SHQ1: variants seen among roughly 807,000 people sequenced by gnomAD.
The protein encoded by SHQ1 is SHQ1, H/ACA ribonucleoprotein assembly factor.
In SHQ1, 49 loss-of-function variants were observed where a neutral mutation model predicts 53.8. That is an observed-to-expected ratio of 0.91 (90% CI 0.72 to 1.16). The LOEUF (loss-of-function observed/expected upper bound fraction) is 1.16, where lower values mean the gene tolerates loss of function less well. SHQ1 is among the 50% of genes most tolerant of loss of function. SHQ1 has a pLI of 0.00. For synonymous variants in SHQ1, 243 were observed against 251.0 expected (o/e 0.97, Z 0.30); for missense variants, 738 against 683.1 (o/e 1.08, Z -0.90).
intron 10 of SHQ1, chr3:72,753,323 A>G: frequency 1.0e-6 from 1 of 985,476 alleles, no homozygotes; most frequent in Non-Finnish European, 1.2e-6. Flanking sequence ...CCATAATATC[A>G]GGAAAATGAG....
chr3:72,750,306 C>G lies in SHQ1; in HGVS notation c.1712G>C (p.Gly571Ala). ...GAGTCAATTATTTGGTGTCTGACAG[C>G]CGTCTCTCTCCTGAATATTGCTGCG... ...VNRSNIQERD[G>A]CQTPNN Residue 571 changes from glycine (G) to alanine (A), a missense_variant, in exon 11 of 11, where the codon GGC (glycine) becomes GCC (alanine). Physicochemically the swap from Gly to Ala is moderately conservative, Grantham distance 60. Transcript: ENST00000325599. 1.2e-6 allele frequency: 2 copies of G among 1,609,166 alleles called. No individual in the cohort carries two copies. The highest frequency in any genetic ancestry group is 1.7e-6 in the Non-Finnish European group (2 of 1,178,002).
intron 4 of SHQ1, 116 bp downstream of exon 4, chr3:72,840,929 T>C: frequency 8.1e-6 from 10 of 1,241,336 alleles, no homozygotes; most frequent in Non-Finnish European, 1.1e-5. Flanking sequence ...GTGCTTTAAA[T>C]ACAATCACCT....
At chr3:72,776,961 G>A (rs1436506255) in intron 10 of SHQ1, among the ~76,000 whole-genome samples, 1 of 152,118 alleles carries the variant, frequency 6.6e-6, no homozygotes, top group East Asian at 1.9e-4. Context: ...ATGAGGAAAG[G>A]ATAGACTATT....
intron 4 of SHQ1, among the ~76,000 whole-genome samples, chr3:72,837,444 A>T (rs551203325): frequency 4.1e-4 from 62 of 152,148 alleles, no homozygotes; most frequent in African/African-American, 6.0e-4. Context: ...ATTATGAATA[A>T]TTTTTTTACT....
At chr3:72,764,552 T>C (rs1705681110) in intron 10 of SHQ1, among the ~76,000 whole-genome samples, 1 of 152,180 alleles carries the variant, frequency 6.6e-6, no homozygotes, top group South Asian at 2.1e-4. Context: ...CTAGACTATC[T>C]AAGGAGAATT....
rs553518368 is a variant in SHQ1, at chr3:72,826,246, G to C, written c.600-1695C>G. Among the ~76,000 whole-genome samples the C allele has an allele frequency of 3.9e-5, 6 of 152,286 alleles. No homozygotes were observed. The South Asian group carries it at 1.2e-3, about 32-fold the overall frequency. On this transcript the variant is annotated intron_variant, in intron 5 of 10. Transcript: ENST00000325599. Reference sequence around the variant, plus strand: ...TTCCAACAGGTGCACAGACATATGAGACAAGGACAAAATAGCTGCTTCATA... The same window carrying C: ...TTCCAACAGGTGCACAGACATATGACACAAGGACAAAATAGCTGCTTCATA...
At chr3:72,758,253 A>C (rs534483480) in intron 10 of SHQ1, among the ~76,000 whole-genome samples, 3 of 152,342 alleles carry the variant, frequency 2.0e-5, no homozygotes, top group Non-Finnish European at 4.4e-5. Flanking sequence ...GCAGCCATTA[A>C]CAAAAACATT....
chr3:72,776,035 T>A (rs865907323), intron 10 of SHQ1, among the ~76,000 whole-genome samples: 1 of 151,546 alleles, frequency 6.6e-6, no homozygotes, highest in Non-Finnish European at 1.5e-5. Context: ...TGCAATAAAA[T>A]GAAAAAGAAA....
chr3:72,824,533 A>G lies in SHQ1; in HGVS notation c.618T>C (p.Asp206=), dbSNP rs1707587988. 1 of 1,609,294 alleles carries G rather than the reference A, an allele frequency of 6.2e-7. No individual in the cohort carries two copies. Among genetic ancestry groups the G allele is most frequent in the Non-Finnish European group, 8.5e-7 (1 of 1,178,516 alleles). ...PDHYLADFFE[D]EAIEQILKYN... is the part of the protein sequence containing the mutation. The stretch of plus-strand genomic sequence containing the variant: ...ACTTCAAAATCTGTTCAATCGCCTC[A>G]TCTTCAAAAAAGTCAGCTCTAGGAA... The change falls in exon 6 of 11, where the codon GAT becomes GAC. Residue 206 remains aspartate, a synonymous_variant. Coordinates refer to ENST00000325599, the MANE Select transcript of SHQ1 (RefSeq NM_018130.3).
chr3:72,792,221 T>C (rs1166911706), intron 10 of SHQ1, among the ~76,000 whole-genome samples: 2 of 152,188 alleles, frequency 1.3e-5, no homozygotes, highest in African/African-American at 4.8e-5. Flanking sequence ...CACATACATC[T>C]ACACACACTC....
intron 10 of SHQ1, among the ~76,000 whole-genome samples, chr3:72,778,658 C>T (rs577046930): frequency 1.3e-5 from 2 of 152,032 alleles, no homozygotes; most frequent in African/African-American, 4.8e-5. Flanking sequence ...AAAACACATA[C>T]AAACGGCAAA....
At chr3:72,729,802 A>G in the SHQ1 span, among the ~76,000 whole-genome samples, 1 of 152,130 alleles carries the variant, frequency 6.6e-6, no homozygotes, top group Non-Finnish European at 1.5e-5. Flanking sequence ...TTTAATTTTC[A>G]AATTAAATTT....
the SHQ1 span, among the ~76,000 whole-genome samples, chr3:72,729,632 C>A: frequency 2.6e-5 from 4 of 152,136 alleles, no homozygotes; most frequent in Non-Finnish European, 5.9e-5. Flanking sequence ...TCATTAAAAT[C>A]TTATTACATC....
At chr3:72,826,002 T>A (rs1354178838) in intron 5 of SHQ1, among the ~76,000 whole-genome samples, 2 of 152,208 alleles carry the variant, frequency 1.3e-5, no homozygotes, top group Non-Finnish European at 2.9e-5. Context: ...ATCCTCATTT[T>A]ACAAAGGTAG....
At chr3:72,832,615 T>C (rs749053699) in intron 4 of SHQ1, 134 bp from the exon 5 acceptor site, 3 of 614,150 alleles carry the variant, frequency 4.9e-6, no homozygotes, top group Non-Finnish European at 8.7e-6. Context: ...CTGTGACATT[T>C]AGATTCAAAT....
intron 2 of SHQ1, among the ~76,000 whole-genome samples, chr3:72,843,772 G>C (rs1247113425): frequency 6.6e-6 from 1 of 151,566 alleles, no homozygotes; most frequent in African/African-American, 2.4e-5. Context: ...CCTTAGCCTA[G>C]TTCACTGAGG....
At chr3:72,788,101 A>AAGTG (rs1706299613) in intron 10 of SHQ1, among the ~76,000 whole-genome samples, 1 of 152,158 alleles carries the variant, frequency 6.6e-6, no homozygotes, top group South Asian at 2.1e-4. Context: ...TGGCCTCCCA[A>AAGTG]AGTGCCAAGT....
In SHQ1 at chr3:72,802,101, T is replaced by A. The variant is rs533426028; in HGVS notation, c.1061-9065A>T. Among the ~76,000 whole-genome samples, 85 of 152,312 alleles carry A rather than the reference T, an allele frequency of 5.6e-4. 1 individual carries two copies. The highest frequency in any genetic ancestry group is 2.0e-3 in the African/African-American group (84 of 41,562). ...CTTAAGAATTGCTATGGAAATTAAA[T>A]GAGACAACAAACATGTAAGTACTTT... On this transcript the variant is annotated intron_variant, in intron 9 of 10. Coordinates refer to ENST00000325599, the MANE Select transcript of SHQ1 (RefSeq NM_018130.3).
chr3:72,780,702 G>A (rs1487942041), intron 10 of SHQ1, among the ~76,000 whole-genome samples: 6 of 152,176 alleles, frequency 3.9e-5, no homozygotes, highest in African/African-American at 1.4e-4. Flanking sequence ...AGAGTCAGGA[G>A]AAGAGATGAT....
Sources: gnomAD v4.1 joint callset for allele counts (sites outside exome capture counted in the v4.1 genomes callset) on GRCh38, gnomAD v4.1.1 for gene constraint, MANE v1.5 for transcripts, NCBI Gene and HGNC (gene_info 2026-07-23, HGNC 2026-07-21) for gene names.